The following SNTG2 variants were observed in gnomAD, a reference collection of about 807,000 sequenced individuals.
SNTG2 encodes syntrophin gamma 2, also known as gamma-2-syntrophin.
In SNTG2, 74 loss-of-function variants were observed where a neutral mutation model predicts 70.9. The observed-to-expected ratio is 1.04, with a 90% CI of 0.86 to 1.27. SNTG2 has a LOEUF of 1.27. Among genes scored for constraint, SNTG2 ranks in the 50% most tolerant of loss-of-function variants. The pLI, the probability that SNTG2 is intolerant of heterozygous loss-of-function variation, is 0.00. For synonymous variants in SNTG2, 278 were observed against 273.8 expected, an observed-to-expected ratio of 1.02 and a Z score of -0.15; for missense variants, 717 against 690.7, an observed-to-expected ratio of 1.04 and a Z score of -0.43.
intron 4 of SNTG2, among the ~76,000 whole-genome samples, chr2:1,124,552 T>G (rs1339325366): frequency 6.6e-6 from 1 of 152,058 alleles, no homozygotes; most frequent in Non-Finnish European, 1.5e-5. Flanking sequence ...CACCTTAGCC[T>G]CCCAAAATGC....
At chr2:1,113,512 TGACGAGGATTGTGTG>T (rs1666669825) in intron 4 of SNTG2, among the ~76,000 whole-genome samples, 1 of 151,630 alleles carries the variant, frequency 6.6e-6, no homozygotes, top group African/African-American at 2.4e-5. Context: ...TACAGTCCTT[TGACGAGGATTGTGTG>T]TACTGAGGTT....
At chr2:1,027,167 C>G (rs1370521780) in intron 1 of SNTG2, among the ~76,000 whole-genome samples, 1 of 152,198 alleles carries the variant, frequency 6.6e-6, no homozygotes, top group Non-Finnish European at 1.5e-5. Context: ...CTGGAGAGAA[C>G]AGGGATCTCG....
intron 2 of SNTG2, among the ~76,000 whole-genome samples, chr2:1,085,927 A>T (rs1278669280): frequency 1.3e-5 from 2 of 152,256 alleles, no homozygotes; most frequent in African/African-American, 4.8e-5. Context: ...GCTGTATATT[A>T]CACTTGTTAT....
chr2:1,310,836 A>T (rs781418745), intron 15 of SNTG2, among the ~76,000 whole-genome samples: 258 of 152,292 alleles, frequency 1.7e-3, no homozygotes, highest in Admixed American at 4.6e-3. Flanking sequence ...GTCAACTTTT[A>T]AAATAGCTAT....
At chr2:1,165,525 A>G (rs779414849) in intron 6 of SNTG2, 23 bp from the exon 7 acceptor site, 1 of 1,598,078 alleles carries the variant, frequency 6.3e-7, no homozygotes, top group South Asian at 1.1e-5. Context: ...TGGTAAAAGT[A>G]GCTATTTTTG....
chr2:1,015,179 G>T (rs1360277630), intron 1 of SNTG2, among the ~76,000 whole-genome samples: 1 of 152,134 alleles, frequency 6.6e-6, no homozygotes, highest in Non-Finnish European at 1.5e-5. Context: ...AGGCTTGTCC[G>T]AGGTAGAGAT....
rs577022528 is a variant in SNTG2, at chr2:1,354,236, G to A, written c.1489-13107G>A. Among the ~76,000 whole-genome samples the A allele has an allele frequency of 4.8e-4, 72 of 151,136 alleles. 5 individuals are homozygous for A. Among genetic ancestry groups the A allele is most frequent in the Admixed American group, 1.1e-3 (16 of 15,146 alleles). The stretch of plus-strand genomic sequence containing the variant: ...GGTGTGGGGGAAGTGGAAGAACGCC[G>A]GGCTGGAGCTCAGGGACTGGGTGTT... On this transcript the variant is annotated intron_variant, in intron 16 of 16. Transcript: ENST00000308624.
intron 1 of SNTG2, among the ~76,000 whole-genome samples, chr2:983,172 A>C (rs1246619481): frequency 7.8e-6 from 1 of 127,410 alleles, no homozygotes; most frequent in Non-Finnish European, 1.7e-5. Flanking sequence ...GTGATGAAGC[A>C]GAGGCTTTTT....
At chr2:1,283,651 CTG>C (rs1679649169) in intron 14 of SNTG2, among the ~76,000 whole-genome samples, 1 of 152,138 alleles carries the variant, frequency 6.6e-6, no homozygotes, top group African/African-American at 2.4e-5. Flanking sequence ...TCACCACAGC[CTG>C]TGTGTGGCCC....
chr2:955,341 G>A (rs116654643), intron 1 of SNTG2, among the ~76,000 whole-genome samples: 2 of 152,190 alleles, frequency 1.3e-5, no homozygotes, highest in South Asian at 2.1e-4. Context: ...TGATGGCACC[G>A]AATCGTGTTA....
At chr2:1,268,852 C>T (rs975308749) in intron 14 of SNTG2, among the ~76,000 whole-genome samples, 5 of 152,162 alleles carry the variant, frequency 3.3e-5, no homozygotes, top group South Asian at 4.1e-4. Context: ...AATCATTTTG[C>T]TTTCAACATA....
chr2:1,076,664 C>T (rs184276603), intron 1 of SNTG2, among the ~76,000 whole-genome samples: 4 of 152,216 alleles, frequency 2.6e-5, no homozygotes, highest in East Asian at 3.9e-4. Flanking sequence ...CAGAGATGCA[C>T]TCAGCTGCAT....
chr2:1,275,373 C>A (rs1476985178), intron 14 of SNTG2, among the ~76,000 whole-genome samples: 1 of 152,234 alleles, frequency 6.6e-6, no homozygotes, highest in Non-Finnish European at 1.5e-5. Context: ...ATTTTTCCAG[C>A]AGTCTGTGCT....
intron 8 of SNTG2, among the ~76,000 whole-genome samples, chr2:1,197,505 A>ATATATATATGTG (rs1553353419): frequency 1.2e-5 from 1 of 82,342 alleles, no homozygotes; most frequent in African/African-American, 3.8e-5. Flanking sequence ...ATATATGTGT[A>ATATATATATGTG]TGTATATATA....
intron 8 of SNTG2, among the ~76,000 whole-genome samples, chr2:1,197,802 G>A (rs1481566985): frequency 2.0e-5 from 3 of 151,854 alleles, no homozygotes; most frequent in African/African-American, 7.3e-5. Context: ...CCAAAGTGCT[G>A]GATTACAGGC....
At chr2:1,324,497 T>G (rs1681682317) in intron 16 of SNTG2, among the ~76,000 whole-genome samples, 1 of 152,136 alleles carries the variant, frequency 6.6e-6, no homozygotes, top group Admixed American at 6.5e-5. Context: ...AACTAAAAAC[T>G]TCATGAATAA....
intron 16 of SNTG2, 69 bp from the exon 17 acceptor site, chr2:1,367,274 T>C: frequency 2.1e-6 from 3 of 1,446,422 alleles, no homozygotes; most frequent in South Asian, 1.4e-5. Flanking sequence ...GTCCAAACTT[T>C]GTTAAATATT....
At chr2:974,631 T>G (rs1439104576) in intron 1 of SNTG2, among the ~76,000 whole-genome samples, 2 of 152,190 alleles carry the variant, frequency 1.3e-5, no homozygotes, top group Non-Finnish European at 2.9e-5. Context: ...AAAGGTGTCT[T>G]ATCAGCTGAA....
At chr2:1,352,740 C>T (rs766504795) in intron 16 of SNTG2, among the ~76,000 whole-genome samples, 1 of 152,222 alleles carries the variant, frequency 6.6e-6, no homozygotes, top group Non-Finnish European at 1.5e-5. Context: ...AGTCTTGCAA[C>T]ACATTGGCCT....
Sources: allele counts gnomAD v4.1 joint callset (sites outside exome capture counted in the v4.1 genomes callset), GRCh38; gene constraint gnomAD v4.1.1; transcripts MANE v1.5; gene names NCBI Gene and HGNC (gene_info 2026-07-23, HGNC 2026-07-21).